The following MYO18B variants were observed in gnomAD, a reference collection of about 807,000 sequenced individuals.
MYO18B encodes myosin XVIIIB, also known as unconventional myosin-XVIIIb.
A neutral mutation model predicts 273.0 loss-of-function variants in MYO18B; 204 were observed. That is an observed-to-expected ratio of 0.75 (90% CI 0.67 to 0.84). The LOEUF (loss-of-function observed/expected upper bound fraction) is 0.84, where lower values mean the gene tolerates loss of function less well. MYO18B is among the 40% of genes least tolerant of loss of function. MYO18B has a pLI of 0.00. For synonymous variants in MYO18B, 1,330 were observed against 1,305.7 expected (o/e 1.02, Z -0.40); for missense variants, 3,212 against 3,287.6 (o/e 0.98, Z 0.56).
chr22:25,830,363 G>A (rs758346457), intron 15 of MYO18B, among the ~76,000 whole-genome samples: 54 of 152,282 alleles, frequency 3.5e-4, no homozygotes, highest in East Asian at 3.9e-4. Flanking sequence ...ACCCCCAAGT[G>A]TAGTGGCTTA....
chr22:25,809,780 G>A (rs1028546091), intron 12 of MYO18B, among the ~76,000 whole-genome samples: 4 of 152,064 alleles, frequency 2.6e-5, no homozygotes, highest in African/African-American at 9.7e-5. Context: ...TCCATCCAGG[G>A]GTAGGAAGAA....
In MYO18B at chr22:25,950,550, G is replaced by GTGTGTA. The variant is rs539614518; in HGVS notation, c.5832+101_5832+102insGTGTAT. ...TGTGTGTGTGTGTGTGTGTGTGTGT[G>GTGTGTA]TATGAGTTTATTGTTTGTTTATTTG... On this transcript the variant is annotated intron_variant, in intron 37 of 43. Transcript: ENST00000335473. 2,469 of 740,484 alleles carry GTGTGTA rather than the reference G, an allele frequency of 3.3e-3. 43 individuals carry two copies. In the African/African-American group the frequency reaches 0.04, roughly 12 times the overall value. 45.9% of individuals were successfully genotyped at this position (740,484 alleles called of 1,614,324 possible). A position where few individuals can be genotyped will look rare whatever the true frequency, so the allele number is the denominator to read the frequency against.
intron 12 of MYO18B, among the ~76,000 whole-genome samples, chr22:25,802,119 G>A (rs1159238811): frequency 6.6e-6 from 1 of 152,216 alleles, no homozygotes; most frequent in Non-Finnish European, 1.5e-5. Context: ...CATACTTCTA[G>A]CCAAGTGGCT....
At chr22:25,876,036 GTGTGTGTGTA>G (rs1422306370) in intron 23 of MYO18B, among the ~76,000 whole-genome samples, 143 bp from the exon 24 acceptor site, 1,664 of 143,072 alleles carry the variant, frequency 0.012, 38 homozygotes, top group African/African-American at 0.044. Flanking sequence ...GTGTGTGTGT[GTGTGTGTGTA>G]TGTGTTTTAA....
chr22:25,997,958 A>AAAC (rs1569278963), intron 40 of MYO18B, among the ~76,000 whole-genome samples: 71 of 105,790 alleles, frequency 6.7e-4, no homozygotes, highest in African/African-American at 2.4e-3. Context: ...CACACACACA[A>AAAC]ACACACACAC....
At chr22:25,746,278 A>G (rs1352814767) in intron 1 of MYO18B, among the ~76,000 whole-genome samples, 1 of 152,178 alleles carries the variant, frequency 6.6e-6, no homozygotes, top group Admixed American at 6.5e-5. Context: ...TTTTCTGCCA[A>G]CAGTGGATGA....
intron 2 of MYO18B, among the ~76,000 whole-genome samples, chr22:25,761,733 T>G (rs1290891509): frequency 6.6e-6 from 1 of 152,194 alleles, no homozygotes; most frequent in Non-Finnish European, 1.5e-5. Context: ...GAGAAACTTC[T>G]TTCTGGCTGC....
chr22:25,904,624 T>C (rs1471360390), intron 31 of MYO18B, among the ~76,000 whole-genome samples: 2 of 152,208 alleles, frequency 1.3e-5, no homozygotes, highest in African/African-American at 4.8e-5. Flanking sequence ...TCAAATACTC[T>C]TGTACCAGTA....
intron 7 of MYO18B, among the ~76,000 whole-genome samples, chr22:25,774,683 A>C (rs78928035): frequency 0.013 from 1,989 of 152,198 alleles, 42 homozygotes; most frequent in African/African-American, 0.045. Flanking sequence ...GATTCCCCAA[A>C]TGGCCACCAG....
intron 34 of MYO18B, among the ~76,000 whole-genome samples, chr22:25,935,411 A>G (rs569261034): frequency 3.3e-5 from 5 of 152,280 alleles, no homozygotes; most frequent in South Asian, 4.1e-4. Context: ...TGGAGGGGGT[A>G]CTTTCCTGGG....
intron 41 of MYO18B, among the ~76,000 whole-genome samples, chr22:26,004,047 G>GATTTA (rs1356862292): frequency 6.1e-4 from 92 of 151,534 alleles, no homozygotes; most frequent in African/African-American, 1.9e-3. Context: ...ACAAGAACTG[G>GATTTA]TGCTTGGCAT....
At chr22:25,865,179 A>G (rs918136618) in intron 21 of MYO18B, among the ~76,000 whole-genome samples, 7 of 152,242 alleles carry the variant, frequency 4.6e-5, no homozygotes, top group African/African-American at 1.7e-4. Flanking sequence ...TGGTCCAGGC[A>G]GGGAATATTC....
Position 25,798,077 on chromosome 22 carries a change from G to A in MYO18B, c.2501G>A (p.Gly834Asp), listed in dbSNP as rs780187955. Residue 834 changes from glycine to aspartate, a missense_variant, in exon 12 of 44, where the codon GGT becomes GAT. By Grantham distance (94) the Gly-to-Asp change is moderately conservative. Transcript: ENST00000335473. Reference protein sequence around the residue: ...WRVLAAIYHLGAAGACKVGRK... With the variant: ...WRVLAAIYHLDAAGACKVGRK... ...GTCCTGGCAGCCATCTACCACCTGG[G>A]TGCGGCGGGGGCCTGCAAAGGTACG... is the stretch of plus-strand genomic sequence containing the variant. 5 of 1,609,998 alleles carry A rather than the reference G, an allele frequency of 3.1e-6. No individual in the cohort carries two copies. The highest frequency in any genetic ancestry group is 4.2e-6 in the Non-Finnish European group (5 of 1,176,856).
At position 26,027,834 on chromosome 22, in the gene MYO18B, G is replaced by T; in HGVS notation, c.*12+144G>T. The T allele has an allele frequency of 1.1e-6, 1 of 875,354 alleles. No individual in the cohort carries two copies. Among genetic ancestry groups the T allele is most frequent in the African/African-American group, 1.7e-5 (1 of 58,966 alleles). 54.2% of individuals were successfully genotyped at this position (875,354 alleles called of 1,614,324 possible). On this transcript the variant is annotated intron_variant, in intron 43 of 43. Transcript: ENST00000335473. This position sits in a 1 kb window ranked among gnomAD's most constrained non-coding sequence, Gnocchi z 4.1. ...TTTTAGAGGTTTTAGCTGAAGTCAT[G>T]TGTTGATGGATGCAAAGCTTTTCAG...
intron 11 of MYO18B, among the ~76,000 whole-genome samples, chr22:25,792,185 T>C (rs2087692103): frequency 6.6e-6 from 1 of 151,992 alleles, no homozygotes; most frequent in Non-Finnish European, 1.5e-5. Context: ...CTTCCCCAAA[T>C]GGGTGGCCTT....
In MYO18B at chr22:26,014,920, C is replaced by T. The variant is rs1935191798; in HGVS notation, c.6470+10065C>T. Among the ~76,000 whole-genome samples the T allele has an allele frequency of 4.0e-5, 6 of 150,428 alleles. 1 individual carries two copies. The South Asian group carries it at 1.3e-3, about 31-fold the overall frequency. Reference sequence around the variant, plus strand: ...TTTAATGGGTTTTTTTTTTCTTGTACATTTGTTTAAGTTCCTTATGGATGC... The same window carrying T: ...TTTAATGGGTTTTTTTTTTCTTGTATATTTGTTTAAGTTCCTTATGGATGC... On this transcript the variant is annotated intron_variant, in intron 42 of 43. Coordinates refer to ENST00000335473, the MANE Select transcript of MYO18B (RefSeq NM_032608.7).
In MYO18B at chr22:25,823,638, G is replaced by A. The variant is rs4820658; in HGVS notation, c.2655G>A (p.Gly885=). The change falls in exon 13 of 44, where the codon GGG becomes GGA. Residue 885 remains glycine (G), a synonymous_variant. Coordinates refer to ENST00000335473, the MANE Select transcript of MYO18B (RefSeq NM_032608.7). The part of the protein sequence containing the change: ...LRQIIQQMTF[G]PSRWGLEDEE... ...AGATCATCCAGCAAATGACGTTTGG[G>A]CCAAGCCGATGGGGCCTCGAGGATG... 526,654 of 1,613,694 alleles carry A rather than the reference G, an allele frequency of 0.33. 93,177 individuals carry two copies. Among genetic ancestry groups the A allele is most frequent in the Admixed American group, 0.37 (22,107 of 60,008 alleles).
intron 39 of MYO18B, among the ~76,000 whole-genome samples, chr22:25,965,662 A>G (rs997530676): frequency 6.6e-6 from 1 of 152,248 alleles, no homozygotes; most frequent in Non-Finnish European, 1.5e-5. Flanking sequence ...AATACCTTCA[A>G]AAGCATAGTT....
the MYO18B span, among the ~76,000 whole-genome samples, chr22:26,038,421 C>A: frequency 6.6e-6 from 1 of 150,440 alleles, no homozygotes; most frequent in Non-Finnish European, 1.5e-5. Flanking sequence ...GGATCCATCT[C>A]ATGAGCCTTC....
Sources: gnomAD v4.1 joint callset for allele counts (sites outside exome capture counted in the v4.1 genomes callset) on GRCh38, gnomAD v4.1.1 for gene constraint, Gnocchi (gnomAD v3.1) non-coding constraint, MANE v1.5 for transcripts, NCBI Gene and HGNC (gene_info 2026-07-23, HGNC 2026-07-21) for gene names.